The following DLGAP1 variants were observed in gnomAD, a reference collection of about 807,000 sequenced individuals.
The protein encoded by DLGAP1 is disks large-associated protein 1.
In DLGAP1, 11 loss-of-function variants were observed where a neutral mutation model predicts 90.8. The observed-to-expected ratio is 0.12, with a 90% confidence interval of 0.08 to 0.20. The LOEUF (loss-of-function observed/expected upper bound fraction) is 0.20, where lower values mean the gene tolerates loss of function less well. Ranked by LOEUF, DLGAP1 falls within the 10% of genes least tolerant of loss-of-function variation. The pLI is 1.00. For synonymous variants in DLGAP1, 558 were observed against 540.7 expected, an observed-to-expected ratio of 1.03 and a Z score of -0.44; for missense variants, 1,050 against 1,333.8, an observed-to-expected ratio of 0.79 and a Z score of 3.31.
intron 7 of DLGAP1, among the ~76,000 whole-genome samples, chr18:3,664,076 G>T (rs2059781942): frequency 6.6e-6 from 1 of 151,988 alleles, no homozygotes; most frequent in Non-Finnish European, 1.5e-5. Flanking sequence ...ATGTTCTCAG[G>T]TCTTTGGACC....
At chr18:4,242,016 A>G (rs1000865854) in intron 1 of DLGAP1, among the ~76,000 whole-genome samples, 1 of 152,168 alleles carries the variant, frequency 6.6e-6, no homozygotes, top group African/African-American at 2.4e-5. Context: ...GTCATCTGCC[A>G]TTATATAGAA....
At chr18:4,293,853 G>A (rs2079908272) in intron 1 of DLGAP1, 1 of 152,172 alleles carries the variant, frequency 6.6e-6, no homozygotes, top group Non-Finnish European at 1.5e-5. Context: ...TTTTAAGAAT[G>A]AGATTGATCA....
chr18:4,063,338 C>G (rs2075326152), intron 2 of DLGAP1, among the ~76,000 whole-genome samples: 1 of 152,098 alleles, frequency 6.6e-6, no homozygotes, highest in African/African-American at 2.4e-5. Context: ...GCTCAAAAGT[C>G]TGCAGATAAG....
At chr18:3,733,858 T>C (rs921591875) in intron 6 of DLGAP1, among the ~76,000 whole-genome samples, 1 of 152,254 alleles carries the variant, frequency 6.6e-6, no homozygotes, top group Non-Finnish European at 1.5e-5. Flanking sequence ...ATCATTTTCT[T>C]CCAGCATAAA....
intron 2 of DLGAP1, among the ~76,000 whole-genome samples, chr18:4,030,232 C>T (rs1435657318): frequency 6.6e-6 from 1 of 152,110 alleles, no homozygotes; most frequent in African/African-American, 2.4e-5. Context: ...ACCTTGTGTT[C>T]CACCCGCCTT....
intron 10 of DLGAP1, among the ~76,000 whole-genome samples, chr18:3,527,988 C>T (rs1276233826): frequency 1.3e-5 from 2 of 152,312 alleles, no homozygotes; most frequent in East Asian, 3.9e-4. Context: ...ATTCACCAAA[C>T]ATTTTAAAAT....
intron 9 of DLGAP1, among the ~76,000 whole-genome samples, chr18:3,547,206 C>G (rs1313180557): frequency 2.1e-5 from 3 of 145,922 alleles, no homozygotes; most frequent in Non-Finnish European, 3.0e-5. Context: ...GAGGCTGAGG[C>G]AGGAGAATGG....
At chr18:3,625,838 C>G (rs1017616351) in intron 7 of DLGAP1, among the ~76,000 whole-genome samples, 1 of 152,224 alleles carries the variant, frequency 6.6e-6, no homozygotes, top group Non-Finnish European at 1.5e-5. Flanking sequence ...ATTCCTTGAA[C>G]TACCAATGTT....
At chr18:3,521,635 C>T (rs2051196019) in intron 10 of DLGAP1, among the ~76,000 whole-genome samples, 1 of 152,186 alleles carries the variant, frequency 6.6e-6, no homozygotes, top group African/African-American at 2.4e-5. Flanking sequence ...TTTCACCTCT[C>T]CCTCCTCACT....
intron 2 of DLGAP1, among the ~76,000 whole-genome samples, chr18:4,078,706 A>C (rs148335865): frequency 1.3e-5 from 2 of 152,300 alleles, no homozygotes; most frequent in African/African-American, 4.8e-5. Flanking sequence ...CACGATCTGG[A>C]AACCTGGTAT....
At chr18:3,814,494 T>C (rs933239653) in intron 4 of DLGAP1, among the ~76,000 whole-genome samples, 70 of 151,972 alleles carry the variant, frequency 4.6e-4, no homozygotes, top group African/African-American at 1.6e-3. Flanking sequence ...CCTGAGTAGC[T>C]GGGACTACAG....
intron 1 of DLGAP1, among the ~76,000 whole-genome samples, chr18:4,154,751 T>G (rs1189719334): frequency 6.6e-6 from 1 of 152,142 alleles, no homozygotes; most frequent in African/African-American, 2.4e-5. Flanking sequence ...GTAAAATACC[T>G]CCTGGCTAAC....
At chr18:4,306,697 G>A (rs2080273142) in intron 1 of DLGAP1, among the ~76,000 whole-genome samples, 1 of 151,994 alleles carries the variant, frequency 6.6e-6, no homozygotes, top group East Asian at 1.9e-4. Flanking sequence ...CTACTTTTAG[G>A]GATTCAGTTA....
intron 4 of DLGAP1, among the ~76,000 whole-genome samples, chr18:3,836,292 A>C (rs942368966): frequency 3.9e-5 from 6 of 152,162 alleles, no homozygotes; most frequent in Non-Finnish European, 8.8e-5. Context: ...CTATCTTAGG[A>C]TCTTACTGAT....
intron 7 of DLGAP1, among the ~76,000 whole-genome samples, chr18:3,675,036 A>G (rs1357886019): frequency 1.3e-5 from 2 of 152,162 alleles, no homozygotes; most frequent in Non-Finnish European, 2.9e-5. Flanking sequence ...CCCATTCATT[A>G]GCATAGGCAG....
At chr18:3,687,340 T>C (rs1249981104) in intron 7 of DLGAP1, among the ~76,000 whole-genome samples, 2 of 152,218 alleles carry the variant, frequency 1.3e-5, no homozygotes, top group Non-Finnish European at 2.9e-5. Context: ...TTTCTGATTA[T>C]ATGATCTAGT....
chr18:4,080,929 C>T (rs1256434623), intron 2 of DLGAP1, among the ~76,000 whole-genome samples: 1 of 151,160 alleles, frequency 6.6e-6, no homozygotes, highest in African/African-American at 2.4e-5. Flanking sequence ...GCTCTTGTAG[C>T]CCAGGCTGGA....
intron 7 of DLGAP1, among the ~76,000 whole-genome samples, chr18:3,667,578 C>G (rs2059928599): frequency 6.6e-6 from 1 of 152,132 alleles, no homozygotes; most frequent in South Asian, 2.1e-4. Flanking sequence ...GACTTGGTTC[C>G]TGGCCAAGTC....
intron 5 of DLGAP1, among the ~76,000 whole-genome samples, chr18:3,798,723 T>C (rs2066139099): frequency 6.6e-6 from 1 of 152,222 alleles, no homozygotes; most frequent in South Asian, 2.1e-4. Context: ...AAGTATATGC[T>C]TACTGTATAG....
Sources: gnomAD v4.1 joint callset for allele counts (sites outside exome capture counted in the v4.1 genomes callset) on GRCh38, gnomAD v4.1.1 for gene constraint, MANE v1.5 for transcripts, NCBI Gene and HGNC (gene_info 2026-07-23, HGNC 2026-07-21) for gene names.